The following TENM3 variants were observed in gnomAD, a reference collection of about 807,000 sequenced individuals.
TENM3 encodes the protein teneurin-3.
TENM3 carries 63 observed loss-of-function variants against 255.1 expected under a neutral mutation model. That is an observed-to-expected ratio of 0.25 (90% CI 0.20 to 0.30). The LOEUF is 0.30. Ranked by LOEUF, TENM3 falls within the 10% of genes least tolerant of loss-of-function variation. TENM3 has a pLI of 1.00. For missense variants in TENM3, 2,929 were observed against 3,461.1 expected, an observed-to-expected ratio of 0.85 and a Z score of 3.86; for synonymous variants, 1,306 against 1,322.3, an observed-to-expected ratio of 0.99 and a Z score of 0.27.
chr4:182,048,716 G>T, the TENM3 span, among the ~76,000 whole-genome samples: 67 of 151,934 alleles, frequency 4.4e-4, no homozygotes, highest in African/African-American at 1.6e-3. Context: ...TTTATTGAAA[G>T]AAATTTCATG....
chr4:181,755,676 T>C, the TENM3 span, among the ~76,000 whole-genome samples: 1 of 152,156 alleles, frequency 6.6e-6, no homozygotes, highest in African/African-American at 2.4e-5. Flanking sequence ...ATAACATATG[T>C]GGCTAAGTGA....
At chr4:182,126,870 C>T in the TENM3 span, among the ~76,000 whole-genome samples, 1 of 152,206 alleles carries the variant, frequency 6.6e-6, no homozygotes, top group Non-Finnish European at 1.5e-5. Flanking sequence ...CTCCCCATCC[C>T]CACCCCATCC....
chr4:181,691,363 TACAC>T, the TENM3 span, among the ~76,000 whole-genome samples: 44,538 of 151,686 alleles, frequency 0.29, 7,102 homozygotes, highest in Admixed American at 0.46. Context: ...ATACTTATTA[TACAC>T]ACACACGATA....
the TENM3 span, among the ~76,000 whole-genome samples, chr4:181,638,642 C>G: frequency 6.6e-6 from 1 of 152,106 alleles, no homozygotes; most frequent in African/African-American, 2.4e-5. Context: ...CTACTGTACT[C>G]CATTTTCTCT....
chr4:181,664,490 AC>A, the TENM3 span, among the ~76,000 whole-genome samples: 75,338 of 138,078 alleles, frequency 0.55, 19,540 homozygotes, highest in Non-Finnish European at 0.59. Context: ...AAAAAACAAA[AC>A]AAAAAAATAG....
At chr4:182,760,632 T>G (rs1763111337) in intron 22 of TENM3, among the ~76,000 whole-genome samples, 1 of 152,208 alleles carries the variant, frequency 6.6e-6, no homozygotes, top group Non-Finnish European at 1.5e-5. Flanking sequence ...TATATTCAGA[T>G]TCACAGAGCA....
At chr4:181,995,214 C>T in the TENM3 span, among the ~76,000 whole-genome samples, 3 of 151,718 alleles carry the variant, frequency 2.0e-5, no homozygotes, top group African/African-American at 4.8e-5. Context: ...GGCTTGAACC[C>T]GGGGGGCGGA....
At chr4:181,584,624 C>A in the TENM3 span, among the ~76,000 whole-genome samples, 2 of 152,110 alleles carry the variant, frequency 1.3e-5, no homozygotes, top group African/African-American at 4.8e-5. Flanking sequence ...CGGTCCTACC[C>A]CTAAGTTAAA....
intron 3 of TENM3, among the ~76,000 whole-genome samples, chr4:182,349,407 TAGAA>T (rs1265822925): frequency 6.6e-6 from 1 of 152,194 alleles, no homozygotes; most frequent in Non-Finnish European, 1.5e-5. Flanking sequence ...AGCGATTACT[TAGAA>T]GGAACAAGAT....
chr4:182,313,966 A>G (rs1413732066), intron 1 of TENM3, among the ~76,000 whole-genome samples: 1 of 152,160 alleles, frequency 6.6e-6, no homozygotes, highest in Non-Finnish European at 1.5e-5. Context: ...GATTTATACA[A>G]TTATAAATAC....
chr4:182,165,195 A>G (rs890073987), intron 1 of TENM3, among the ~76,000 whole-genome samples: 2 of 152,124 alleles, frequency 1.3e-5, no homozygotes, highest in Non-Finnish European at 2.9e-5. Context: ...CAGATCCCTC[A>G]TTTCTCCTCA....
the TENM3 span, among the ~76,000 whole-genome samples, chr4:181,862,670 G>A: frequency 6.6e-6 from 1 of 152,052 alleles, no homozygotes; most frequent in Admixed American, 6.6e-5. Flanking sequence ...ATAAAAAATG[G>A]AATAAAAACG....
chr4:181,478,730 A>G, the TENM3 span, among the ~76,000 whole-genome samples: 16 of 152,312 alleles, frequency 1.1e-4, no homozygotes, highest in African/African-American at 2.6e-4. Flanking sequence ...TAGATGACAC[A>G]TTATTAAAAC....
At chr4:182,398,847 G>A (rs1022914088) in intron 3 of TENM3, among the ~76,000 whole-genome samples, 3 of 152,184 alleles carry the variant, frequency 2.0e-5, no homozygotes, top group Admixed American at 6.5e-5. Context: ...TGGGTTCTAC[G>A]CGAATAAGTC....
chr4:181,909,773 C>G, the TENM3 span, among the ~76,000 whole-genome samples: 1 of 152,160 alleles, frequency 6.6e-6, no homozygotes, highest in Non-Finnish European at 1.5e-5. Context: ...CATAAATACT[C>G]TCCCCAATAC....
the TENM3 span, among the ~76,000 whole-genome samples, chr4:181,870,753 G>A: frequency 6.6e-6 from 1 of 152,032 alleles, no homozygotes; most frequent in African/African-American, 2.4e-5. Flanking sequence ...CATTCAGTTA[G>A]TGACTTGCCT....
At chr4:181,793,159 T>C in the TENM3 span, among the ~76,000 whole-genome samples, 1 of 152,172 alleles carries the variant, frequency 6.6e-6, no homozygotes, top group Non-Finnish European at 1.5e-5. Context: ...GAGACTTCTG[T>C]AAACTGCGCT....
chr4:181,601,994 A>G, the TENM3 span, among the ~76,000 whole-genome samples: 1 of 152,172 alleles, frequency 6.6e-6, no homozygotes, highest in Non-Finnish European at 1.5e-5. Flanking sequence ...GGTCCACCCT[A>G]AATCTCATCT....
the TENM3 span, among the ~76,000 whole-genome samples, chr4:181,544,782 G>A: frequency 1.8e-3 from 274 of 152,290 alleles, 1 homozygote; most frequent in Middle Eastern, 3.4e-3. Flanking sequence ...TGGACCACAT[G>A]TAGTCCATGA....
Sources: allele counts gnomAD v4.1 joint callset (sites outside exome capture counted in the v4.1 genomes callset), GRCh38; gene constraint gnomAD v4.1.1; transcripts MANE v1.5; gene names NCBI Gene and HGNC (gene_info 2026-07-23, HGNC 2026-07-21).